NCAM2: variants seen among roughly 807,000 people sequenced by gnomAD.
NCAM2 encodes neural cell adhesion molecule 2.
NCAM2 carries 30 observed loss-of-function variants against 98.1 expected under a neutral mutation model. The observed-to-expected ratio is 0.31, with a 90% CI of 0.23 to 0.41. The LOEUF is 0.41. Ranked by LOEUF, NCAM2 falls within the 10% of genes least tolerant of loss-of-function variation. The probability of loss-of-function intolerance (pLI) is 1.00; values close to 1 mark genes in which losing one functional copy is unlikely to be tolerated. For synonymous variants in NCAM2, 368 were observed against 342.4 expected (o/e 1.07, Z -0.83); for missense variants, 867 against 1,005.8 (o/e 0.86, Z 1.87).
At chr21:21,096,175 T>C (rs966387054) in intron 1 of NCAM2, among the ~76,000 whole-genome samples, 1 of 151,726 alleles carries the variant, frequency 6.6e-6, no homozygotes, top group Non-Finnish European at 1.5e-5. Flanking sequence ...GTAACCTTGC[T>C]AGGTTCTTCC....
chr21:21,074,008 C>A (rs112034194), intron 1 of NCAM2, among the ~76,000 whole-genome samples: 1 of 152,278 alleles, frequency 6.6e-6, no homozygotes, highest in Non-Finnish European at 1.5e-5. Context: ...TTAGCTCTTT[C>A]TACAACACAG....
chr21:21,367,666 C>T (rs939562532), intron 8 of NCAM2, among the ~76,000 whole-genome samples: 2 of 151,916 alleles, frequency 1.3e-5, no homozygotes, highest in Non-Finnish European at 2.9e-5. Flanking sequence ...ATATCAGTAG[C>T]TTTAGCCAAT....
At chr21:21,509,537 A>T (rs1602527082) in intron 16 of NCAM2, among the ~76,000 whole-genome samples, 1 of 152,316 alleles carries the variant, frequency 6.6e-6, no homozygotes, top group Non-Finnish European at 1.5e-5. Flanking sequence ...AAAATATGAT[A>T]TGTGCTATAA....
chr21:21,241,672 T>G (rs1256649900), intron 1 of NCAM2, among the ~76,000 whole-genome samples: 5 of 152,044 alleles, frequency 3.3e-5, no homozygotes, highest in Non-Finnish European at 7.4e-5. Context: ...AAAGGGCTTA[T>G]TCCAGGTAAA....
At chr21:21,054,028 C>T (rs2065164915) in intron 1 of NCAM2, among the ~76,000 whole-genome samples, 1 of 151,252 alleles carries the variant, frequency 6.6e-6, no homozygotes, top group African/African-American at 2.4e-5. Context: ...TCCTTGGAAA[C>T]ACCAATTATT....
At chr21:21,017,286 C>T (rs960816779) in intron 1 of NCAM2, among the ~76,000 whole-genome samples, 3 of 151,674 alleles carry the variant, frequency 2.0e-5, no homozygotes, top group Non-Finnish European at 2.9e-5. Context: ...ATTAGCTGGG[C>T]GTGGTGGTAC....
Position 21,123,848 on chromosome 21 carries a change from C to CTTTTTTTTTTTTTTTTTTTTT in NCAM2, c.55+125247_55+125248insTTTTTTTTTTTTTTTTTTTTT, listed in dbSNP as rs71193401. Among the ~76,000 whole-genome samples, 31 of 86,656 alleles carry CTTTTTTTTTTTTTTTTTTTTT rather than the reference C, an allele frequency of 3.6e-4. 6 individuals carry two copies. The highest frequency in any genetic ancestry group is 5.0e-4 in the African/African-American group (11 of 21,872). The allele number at this position is 86,656 out of a possible 152,430, so 56.8% of individuals were successfully genotyped here. On this transcript the variant is annotated intron_variant, in intron 1 of 17. Transcript: ENST00000400546. ...GCACATTTGAATTCATTCTTGATTG[C>CTTTTTTTTTTTTTTTTTTTTT]TTTTTTTTTTTTTTTTTGAGACGGA...
chr21:21,216,728 C>T (rs754195987), intron 1 of NCAM2, among the ~76,000 whole-genome samples: 13 of 152,118 alleles, frequency 8.5e-5, no homozygotes, highest in Non-Finnish European at 1.5e-4. Flanking sequence ...GATAGGTAGA[C>T]ATGTTCTTTC....
At chr21:21,024,209 G>A (rs895475348) in intron 1 of NCAM2, among the ~76,000 whole-genome samples, 2 of 152,172 alleles carry the variant, frequency 1.3e-5, no homozygotes, top group Non-Finnish European at 2.9e-5. Context: ...GTCAAAATGA[G>A]TCTCTCACTC....
At chr21:21,096,058 T>G (rs1171728355) in intron 1 of NCAM2, among the ~76,000 whole-genome samples, 1 of 151,680 alleles carries the variant, frequency 6.6e-6, no homozygotes, top group Non-Finnish European at 1.5e-5. Flanking sequence ...GGACTATCCA[T>G]GGAGAGCCTT....
chr21:21,045,958 G>A (rs2065000976), intron 1 of NCAM2, among the ~76,000 whole-genome samples: 1 of 152,126 alleles, frequency 6.6e-6, no homozygotes, highest in Non-Finnish European at 1.5e-5. Context: ...CACACTGCCT[G>A]GATTCAAATT....
chr21:21,241,254 A>C (rs563089767), intron 1 of NCAM2, among the ~76,000 whole-genome samples: 3 of 152,270 alleles, frequency 2.0e-5, no homozygotes, highest in South Asian at 4.1e-4. Context: ...GTTCTTTTGG[A>C]AATTATTTCT....
intron 15 of NCAM2, among the ~76,000 whole-genome samples, chr21:21,493,445 G>T (rs1215361990): frequency 6.6e-6 from 1 of 151,742 alleles, no homozygotes. Flanking sequence ...ACTAAAGAGG[G>T]CTCCCATATA....
chr21:21,274,682 A>G (rs2072657124), intron 1 of NCAM2, among the ~76,000 whole-genome samples: 3 of 152,212 alleles, frequency 2.0e-5, no homozygotes, highest in South Asian at 4.1e-4. Flanking sequence ...ATAATTACTA[A>G]ATAAATATCT....
intron 1 of NCAM2, among the ~76,000 whole-genome samples, chr21:21,116,288 G>C (rs181697099): frequency 1.8e-4 from 27 of 152,078 alleles, no homozygotes; most frequent in Non-Finnish European, 3.7e-4. Context: ...GTGTTGAAGG[G>C]AAAAATACTT....
At chr21:21,229,092 A>T (rs2070511351) in intron 1 of NCAM2, among the ~76,000 whole-genome samples, 1 of 151,450 alleles carries the variant, frequency 6.6e-6, no homozygotes, top group Non-Finnish European at 1.5e-5. Flanking sequence ...TTCTTCTTCC[A>T]TTATTTTCTC....
intron 12 of NCAM2, among the ~76,000 whole-genome samples, chr21:21,448,661 T>C (rs1279815126): frequency 1.3e-5 from 2 of 152,014 alleles, no homozygotes; most frequent in Non-Finnish European, 2.9e-5. Flanking sequence ...ATTTCTAACA[T>C]AAATGCCCAA....
intron 5 of NCAM2, among the ~76,000 whole-genome samples, chr21:21,298,659 C>G (rs186718840): frequency 4.6e-5 from 7 of 151,514 alleles, no homozygotes; most frequent in African/African-American, 1.4e-4. Flanking sequence ...CTGCACAGAT[C>G]TAGGCACATC....
At chr21:21,366,744 G>T (rs927234077) in intron 8 of NCAM2, among the ~76,000 whole-genome samples, 3 of 151,996 alleles carry the variant, frequency 2.0e-5, no homozygotes, top group Non-Finnish European at 2.9e-5. Flanking sequence ...AAGTACTAGA[G>T]AATAGTGTCA....
Sources: allele counts gnomAD v4.1 joint callset (sites outside exome capture counted in the v4.1 genomes callset), GRCh38; gene constraint gnomAD v4.1.1; transcripts MANE v1.5; gene names NCBI Gene and HGNC (gene_info 2026-07-23, HGNC 2026-07-21).